The following GRIP1 variants were observed in gnomAD, a reference collection of about 807,000 sequenced individuals.
GRIP1 encodes glutamate receptor interacting protein 1.
GRIP1 carries 45 observed loss-of-function variants against 129.9 expected under a neutral mutation model. The ratio of observed to expected loss-of-function variants is 0.35; its 90% CI spans 0.27 to 0.44. The LOEUF (loss-of-function observed/expected upper bound fraction) is 0.44. Among genes scored for constraint, GRIP1 ranks in the 20% least tolerant of loss-of-function variants. The pLI is 1.00. For synonymous variants in GRIP1, 530 were observed against 520.8 expected (o/e 1.02, Z -0.24); for missense variants, 1,196 against 1,396.8 (o/e 0.86, Z 2.29).
intron 1 of GRIP1, among the ~76,000 whole-genome samples, chr12:66,838,661 C>T (rs1299530657): frequency 6.6e-6 from 1 of 152,078 alleles, no homozygotes; most frequent in African/African-American, 2.4e-5. Flanking sequence ...GAGCATCACC[C>T]GATAAGGGGG....
chr12:66,941,251 C>T (rs1467931148), intron 1 of GRIP1, among the ~76,000 whole-genome samples: 1 of 152,096 alleles, frequency 6.6e-6, no homozygotes, highest in Non-Finnish European at 1.5e-5. Flanking sequence ...GTGGCAGAGC[C>T]TAGACTGTAA....
At chr12:66,679,444 C>CAAAAAAAA (rs10691128), upstream of GRIP1, among the ~76,000 whole-genome samples, 1 of 117,438 alleles carries the variant, frequency 8.5e-6, no homozygotes, top group African/African-American at 3.2e-5. Flanking sequence ...AAACAACAAC[C>CAAAAAAAA]AAAAAAAAAA....
At chr12:66,838,470 G>A (rs1030920135) in intron 1 of GRIP1, among the ~76,000 whole-genome samples, 1 of 152,168 alleles carries the variant, frequency 6.6e-6, no homozygotes, top group African/African-American at 2.4e-5. Flanking sequence ...CTTGCCTAGA[G>A]TAAACACAGG....
chr12:66,965,519 C>T (rs1008926886), intron 1 of GRIP1, among the ~76,000 whole-genome samples: 1 of 146,630 alleles, frequency 6.8e-6, no homozygotes, highest in African/African-American at 2.6e-5. Flanking sequence ...AATTTTTCTA[C>T]ATGCTTCTTA....
At chr12:66,977,998 T>C (rs1420237917) in intron 1 of GRIP1, among the ~76,000 whole-genome samples, 6 of 151,744 alleles carry the variant, frequency 4.0e-5, no homozygotes, top group Non-Finnish European at 5.9e-5. Flanking sequence ...TTATTTTTAT[T>C]TTTTGTAGAG....
intron 1 of GRIP1, among the ~76,000 whole-genome samples, chr12:66,800,795 G>A (rs539736137): frequency 6.6e-6 from 1 of 151,812 alleles, no homozygotes; most frequent in South Asian, 2.1e-4. Context: ...TTTTTCTCAA[G>A]GAAAAATACC....
intron 16 of GRIP1, among the ~76,000 whole-genome samples, chr12:66,403,228 T>C (rs1415227441): frequency 1.3e-5 from 2 of 152,226 alleles, no homozygotes; most frequent in African/African-American, 4.8e-5. Context: ...TGTGCACCCA[T>C]CACCCAAGTG....
At chr12:66,930,514 C>T (rs995318789) in intron 1 of GRIP1, among the ~76,000 whole-genome samples, 1 of 151,374 alleles carries the variant, frequency 6.6e-6, no homozygotes, top group African/African-American at 2.4e-5. Flanking sequence ...CATTGTTGGA[C>T]ATTTGGGTTG....
At chr12:66,739,752 A>T (rs1592795053) in intron 1 of GRIP1, among the ~76,000 whole-genome samples, 1 of 152,016 alleles carries the variant, frequency 6.6e-6, no homozygotes, top group African/African-American at 2.4e-5. Flanking sequence ...ATAAAATAAA[A>T]AAAAAAAAAC....
intron 1 of GRIP1, among the ~76,000 whole-genome samples, chr12:66,631,227 C>T (rs767192600): frequency 2.6e-5 from 4 of 152,176 alleles, no homozygotes; most frequent in Admixed American, 6.5e-5. Context: ...CATGAGCCAT[C>T]GCGCCTGGCT....
At chr12:66,529,027 C>T (rs1044176011) in intron 5 of GRIP1, among the ~76,000 whole-genome samples, 4 of 151,816 alleles carry the variant, frequency 2.6e-5, no homozygotes, top group Non-Finnish European at 4.4e-5. Flanking sequence ...AAATGGCCAA[C>T]AAACATATGA....
At chr12:66,807,943 T>A (rs544522977), upstream of GRIP1, among the ~76,000 whole-genome samples, 6 of 110,646 alleles carry the variant, frequency 5.4e-5, no homozygotes, top group African/African-American at 2.1e-4. Flanking sequence ...TGTTTAGCAA[T>A]AAAGGGCCAA....
intron 2 of GRIP1, among the ~76,000 whole-genome samples, chr12:66,594,067 C>CAAAAAAAA (rs10661389): frequency 1.9e-5 from 1 of 52,930 alleles, no homozygotes. Flanking sequence ...GACTCCGTCT[C>CAAAAAAAA]AAAAAAAAAA....
chr12:67,028,016 C>A (rs1460218038), intron 1 of GRIP1, among the ~76,000 whole-genome samples: 1 of 152,192 alleles, frequency 6.6e-6, no homozygotes, highest in African/African-American at 2.4e-5. Flanking sequence ...AACATACATA[C>A]TCACCAGCTG....
intron 1 of GRIP1, among the ~76,000 whole-genome samples, chr12:67,014,351 C>T (rs1238248336): frequency 2.6e-5 from 4 of 152,086 alleles, no homozygotes; most frequent in Non-Finnish European, 5.9e-5. Context: ...TGTATCATAA[C>T]TGGTGGGGGC....
At chr12:66,989,358 T>C (rs1479474918) in intron 1 of GRIP1, among the ~76,000 whole-genome samples, 1 of 152,248 alleles carries the variant, frequency 6.6e-6, no homozygotes, top group Non-Finnish European at 1.5e-5. Context: ...GTGGTGAGGT[T>C]TCTTGCCTTG....
At chr12:66,451,365 G>T (rs1592348798) in intron 11 of GRIP1, among the ~76,000 whole-genome samples, 1 of 104,328 alleles carries the variant, frequency 9.6e-6, no homozygotes, top group Non-Finnish European at 1.8e-5. Context: ...GGACCCCAAA[G>T]ATTTATTATT....
At chr12:66,743,277 G>T (rs2036844198) in intron 1 of GRIP1, among the ~76,000 whole-genome samples, 1 of 152,018 alleles carries the variant, frequency 6.6e-6, no homozygotes, top group Non-Finnish European at 1.5e-5. Context: ...ATATGTTGGG[G>T]TAGAAACAAT....
chr12:66,378,178 A>G (rs1468645274), intron 20 of GRIP1, among the ~76,000 whole-genome samples: 1 of 152,078 alleles, frequency 6.6e-6, no homozygotes, highest in Non-Finnish European at 1.5e-5. Context: ...GCAGTGGCTC[A>G]CGCCTGTAAT....
Sources: gnomAD v4.1 joint callset for allele counts (sites outside exome capture counted in the v4.1 genomes callset) on GRCh38, gnomAD v4.1.1 for gene constraint, MANE v1.5 for transcripts, NCBI Gene and HGNC (gene_info 2026-07-23, HGNC 2026-07-21) for gene names.